The following EDA variants were observed in gnomAD, a reference collection of about 807,000 sequenced individuals.
The protein encoded by EDA is ectodysplasin A.
A neutral mutation model predicts 23.6 loss-of-function variants in EDA; 2 were observed. That is an observed-to-expected ratio of 0.08 (90% CI 0.03 to 0.27). The LOEUF is 0.27. EDA is among the 10% of genes least tolerant of loss of function. The pLI is 1.00. For synonymous variants in EDA, 131 were observed against 132.0 expected, an observed-to-expected ratio of 0.99 and a Z score of 0.05; for missense variants, 229 against 324.2, an observed-to-expected ratio of 0.71 and a Z score of 2.26.
intron 1 of EDA, among the ~76,000 whole-genome samples, chrX:69,673,566 C>T (rs1933978411): frequency 2.3e-5 from 2 of 88,016 alleles, no homozygotes; most frequent in African/African-American, 9.4e-5. Flanking sequence ...CATCCTACAC[C>T]CAGGCAATTT....
chrX:69,620,937 C>T (rs779211633), intron 1 of EDA: 2 of 376,001 alleles, frequency 5.3e-6, no homozygotes, highest in African/African-American at 5.2e-5. Flanking sequence ...GACCTGTCAG[C>T]TATGCTTAGG....
intron 1 of EDA, among the ~76,000 whole-genome samples, chrX:69,816,834 C>A (rs2016092650): frequency 1.8e-5 from 2 of 111,404 alleles, no homozygotes; most frequent in South Asian, 7.6e-4. Flanking sequence ...GACAGGCCAA[C>A]ATTCAAATTC....
At chrX:69,788,627 C>T (rs1028287173) in intron 1 of EDA, among the ~76,000 whole-genome samples, 2 of 112,380 alleles carry the variant, frequency 1.8e-5, no homozygotes, top group African/African-American at 6.5e-5. Flanking sequence ...CAGGGAGCCA[C>T]TTGAGGAGGC....
intron 2 of EDA, among the ~76,000 whole-genome samples, chrX:69,976,723 C>A (rs1462517945): frequency 2.9e-5 from 3 of 104,969 alleles, no homozygotes; most frequent in African/African-American, 1.1e-4. Context: ...AGGTTTCTCT[C>A]TGTTCTTAGG....
chrX:69,869,775 C>T (rs997742256), intron 1 of EDA, among the ~76,000 whole-genome samples: 5 of 112,107 alleles, frequency 4.5e-5, no homozygotes, highest in Admixed American at 3.8e-4. Context: ...GCCATGCCCA[C>T]CTTGCCTTTC....
intron 1 of EDA, among the ~76,000 whole-genome samples, chrX:69,753,760 G>A (rs1489173860): frequency 9.0e-6 from 1 of 111,697 alleles, no homozygotes; most frequent in East Asian, 2.8e-4. Flanking sequence ...GGGTGCTCCT[G>A]TCTTGGGTGC....
intron 1 of EDA, among the ~76,000 whole-genome samples, chrX:69,815,138 C>G: frequency 9.0e-6 from 1 of 111,212 alleles, no homozygotes. Flanking sequence ...GGGCTGGAGT[C>G]TGACTGAGAC....
At chrX:69,832,087 G>C (rs1251474110) in intron 1 of EDA, among the ~76,000 whole-genome samples, 1 of 111,488 alleles carries the variant, frequency 9.0e-6, no homozygotes, top group Non-Finnish European at 1.9e-5. Context: ...ATTACTTTTG[G>C]TGTTTCAGTC....
chrX:69,788,550 C>T (rs1422064160), intron 1 of EDA, among the ~76,000 whole-genome samples: 3 of 111,686 alleles, frequency 2.7e-5, no homozygotes, highest in Admixed American at 9.5e-5. Context: ...AGTTCCTGGC[C>T]GTGTGAGGTG....
chrX:70,022,571 C>T (rs1179163466), intron 2 of EDA, among the ~76,000 whole-genome samples: 3 of 109,960 alleles, frequency 2.7e-5, no homozygotes, highest in Non-Finnish European at 5.7e-5. Context: ...CTCCTGACCT[C>T]GTGATCCACC....
intron 1 of EDA, among the ~76,000 whole-genome samples, chrX:69,747,935 C>T (rs906109857): frequency 4.5e-5 from 5 of 111,230 alleles, no homozygotes; most frequent in African/African-American, 1.6e-4. Context: ...AGCCACTGCC[C>T]TGCTGGTAAG....
At chrX:69,959,133 C>G (rs1230843563) in intron 2 of EDA, among the ~76,000 whole-genome samples, 7 of 112,186 alleles carry the variant, frequency 6.2e-5, no homozygotes, top group African/African-American at 2.3e-4. Flanking sequence ...TAATACAAAA[C>G]AGTTTTCTCT....
chrX:69,962,877 T>G (rs746312742), intron 2 of EDA, among the ~76,000 whole-genome samples: 4 of 111,947 alleles, frequency 3.6e-5, no homozygotes, highest in African/African-American at 6.5e-5. Flanking sequence ...ATGCTCTCTA[T>G]CAGCCAAATT....
intron 1 of EDA, among the ~76,000 whole-genome samples, chrX:69,698,683 G>A (rs761086608): frequency 2.7e-5 from 3 of 111,291 alleles, no homozygotes; most frequent in East Asian, 2.9e-4. Context: ...CACGACTGCC[G>A]GGTTTCTAGA....
At chrX:69,677,364 A>G (rs1934137145) in intron 1 of EDA, among the ~76,000 whole-genome samples, 1 of 111,267 alleles carries the variant, frequency 9.0e-6, no homozygotes, top group African/African-American at 3.3e-5. Context: ...TGGCTGGTTC[A>G]AATGGCATTT....
intron 1 of EDA, among the ~76,000 whole-genome samples, chrX:69,774,642 A>G (rs1169997595): frequency 8.9e-6 from 1 of 111,946 alleles, no homozygotes; most frequent in African/African-American, 3.2e-5. Context: ...TCAGAAGTGA[A>G]CCTGTCATAT....
chrX:69,758,654 A>G (rs2014200718), intron 1 of EDA, among the ~76,000 whole-genome samples: 1 of 111,741 alleles, frequency 8.9e-6, no homozygotes, highest in African/African-American at 3.2e-5. Context: ...GCCAACATTG[A>G]TGAAACCCCG....
intron 2 of EDA, among the ~76,000 whole-genome samples, chrX:70,006,163 T>C (rs1159404761): frequency 8.9e-5 from 10 of 112,523 alleles, no homozygotes; most frequent in Non-Finnish European, 1.7e-4. Flanking sequence ...CAATGATGAA[T>C]AAAGCTGCTA....
At chrX:69,918,189 C>T (rs1323983301) in intron 1 of EDA, among the ~76,000 whole-genome samples, 1 of 97,204 alleles carries the variant, frequency 1.0e-5, no homozygotes, top group African/African-American at 3.9e-5. Context: ...CAGAGTCTTC[C>T]TCTGTCACCC....
Sources: allele counts gnomAD v4.1 joint callset (sites outside exome capture counted in the v4.1 genomes callset), GRCh38; gene constraint gnomAD v4.1.1; transcripts MANE v1.5; gene names NCBI Gene and HGNC (gene_info 2026-07-23, HGNC 2026-07-21).